PRKG1: variants seen among roughly 807,000 people sequenced by gnomAD.
PRKG1 encodes cGMP-dependent protein kinase 1.
Under a neutral mutation model 88.1 loss-of-function variants are expected in PRKG1, and 35 were observed. The ratio of observed to expected loss-of-function variants is 0.40; its 90% confidence interval spans 0.30 to 0.53. The LOEUF is 0.53. PRKG1 is among the 20% of genes least tolerant of loss of function. PRKG1 has a pLI of 0.59. For synonymous variants in PRKG1, 303 were observed against 292.5 expected, an observed-to-expected ratio of 1.04 and a Z score of -0.37; for missense variants, 540 against 839.8, an observed-to-expected ratio of 0.64 and a Z score of 4.41.
Position 51,467,731 on chromosome 10 carries a change from G to A in PRKG1, c.487G>A (p.Val163Ile). ...SLVYVMEDGK[V>I]EVTKEGVKLC... Reference sequence around the variant, plus strand: ...TCCCTCCTCCTTTTTAGATGGTAAGGTTGAAGTTACAAAAGAAGGTGTGAA... The same window carrying A: ...TCCCTCCTCCTTTTTAGATGGTAAGATTGAAGTTACAAAAGAAGGTGTGAA... The change falls in exon 3 of 18, where the codon GTT becomes ATT. Residue 163 changes from valine to isoleucine, a missense_variant. Around this residue, in one of 5 missense-constraint regions of PRKG1, gnomAD observed 400 missense variants for 562.7 expected, o/e 0.71. Transcript: ENST00000373980. The A allele has an allele frequency of 6.2e-7, 1 of 1,610,772 alleles. No homozygotes were observed. The highest frequency in any genetic ancestry group is 8.5e-7 in the Non-Finnish European group (1 of 1,177,304).
At chr10:51,543,621 C>A (rs978405280) in intron 3 of PRKG1, among the ~76,000 whole-genome samples, 17 of 152,176 alleles carry the variant, frequency 1.1e-4, no homozygotes, top group African/African-American at 4.1e-4. Flanking sequence ...GAATGTGCAG[C>A]CTGTTAATTC....
intron 8 of PRKG1, among the ~76,000 whole-genome samples, chr10:52,142,308 A>T (rs1409868054): frequency 6.6e-6 from 1 of 152,176 alleles, no homozygotes; most frequent in Non-Finnish European, 1.5e-5. Flanking sequence ...TCATACATTT[A>T]TTAATTCAAT....
At chr10:51,860,482 A>T (rs778922640) in intron 4 of PRKG1, among the ~76,000 whole-genome samples, 16 of 152,148 alleles carry the variant, frequency 1.1e-4, no homozygotes, top group Non-Finnish European at 1.9e-4. Flanking sequence ...CTTGGCCAAA[A>T]CAAGTCACAT....
intron 4 of PRKG1, among the ~76,000 whole-genome samples, chr10:51,827,532 A>G (rs1466297654): frequency 2.0e-5 from 3 of 152,096 alleles, no homozygotes; most frequent in Non-Finnish European, 4.4e-5. Context: ...GATTTACTAA[A>G]TTCCAAACTG....
At chr10:51,641,804 C>T (rs1004663552) in intron 3 of PRKG1, among the ~76,000 whole-genome samples, 5 of 151,972 alleles carry the variant, frequency 3.3e-5, no homozygotes, top group Non-Finnish European at 7.4e-5. Context: ...CTTTTTTTCT[C>T]CAGAGGTGTT....
intron 2 of PRKG1, among the ~76,000 whole-genome samples, chr10:51,278,147 A>G (rs554941382): frequency 6.6e-6 from 1 of 152,292 alleles, no homozygotes; most frequent in East Asian, 1.9e-4. Context: ...TAATTTATTG[A>G]GAGTTTTTAG....
intron 5 of PRKG1, among the ~76,000 whole-genome samples, chr10:51,946,860 G>A (rs919316771): frequency 2.0e-5 from 3 of 152,014 alleles, no homozygotes; most frequent in Non-Finnish European, 2.9e-5. Flanking sequence ...TGAGGTGTCA[G>A]TCTACCCCTA....
intron 2 of PRKG1, among the ~76,000 whole-genome samples, chr10:51,397,106 T>G (rs1837597966): frequency 6.6e-6 from 1 of 151,486 alleles, no homozygotes; most frequent in African/African-American, 2.4e-5. Flanking sequence ...TTAAATATCA[T>G]GTATCTTGAT....
chr10:51,116,927 C>T (rs1362568466), intron 1 of PRKG1, among the ~76,000 whole-genome samples: 2 of 152,066 alleles, frequency 1.3e-5, no homozygotes, highest in African/African-American at 4.8e-5. Flanking sequence ...AGATAAGTGG[C>T]TGTTGAAGGC....
intron 2 of PRKG1, among the ~76,000 whole-genome samples, chr10:51,330,351 A>G (rs1284729782): frequency 1.3e-5 from 2 of 151,876 alleles, no homozygotes; most frequent in African/African-American, 4.8e-5. Context: ...GGGTTTCACC[A>G]TGTTGGCCAG....
At chr10:51,754,037 C>CT (rs907464676) in intron 3 of PRKG1, among the ~76,000 whole-genome samples, 1 of 151,992 alleles carries the variant, frequency 6.6e-6, no homozygotes, top group Non-Finnish European at 1.5e-5. Context: ...ATGGGAAGTC[C>CT]TTTTTGACCT....
At chr10:51,700,299 G>T (rs1841433122) in intron 3 of PRKG1, among the ~76,000 whole-genome samples, 1 of 152,136 alleles carries the variant, frequency 6.6e-6, no homozygotes, top group Non-Finnish European at 1.5e-5. Flanking sequence ...GGCAGCCGTC[G>T]TGCTATTCCT....
intron 1 of PRKG1, among the ~76,000 whole-genome samples, chr10:51,107,562 T>C (rs1364721478): frequency 6.6e-6 from 1 of 151,960 alleles, no homozygotes. Flanking sequence ...GAACCTCATC[T>C]GGGCGCGTTC....
chr10:52,150,584 T>C (rs894838461), intron 8 of PRKG1, among the ~76,000 whole-genome samples: 3 of 152,198 alleles, frequency 2.0e-5, no homozygotes, highest in African/African-American at 7.2e-5. Flanking sequence ...AGCTTCTAAT[T>C]ATTTTTTGGG....
chr10:52,126,145 G>T (rs543023386), intron 7 of PRKG1, among the ~76,000 whole-genome samples: 1 of 152,178 alleles, frequency 6.6e-6, no homozygotes, highest in South Asian at 2.1e-4. Context: ...TAGGGTAACT[G>T]AGTGAAACTG....
chr10:51,424,064 A>G lies in PRKG1; in HGVS notation c.479-43659A>G, dbSNP rs527949534. Among the ~76,000 whole-genome samples the G allele has an allele frequency of 2.0e-5, 3 of 152,278 alleles. No homozygotes were observed. In the East Asian group the frequency reaches 5.8e-4, roughly 29 times the overall value. On this transcript the variant is annotated intron_variant, in intron 2 of 17. Transcript: ENST00000373980. The stretch of plus-strand genomic sequence containing the variant: ...ACTATTATGGTACCTAAATTGAAAT[A>G]TCAAATTGCAGATATTTGAGACTCT...
At chr10:51,270,409 G>A (rs1839948314) in intron 2 of PRKG1, among the ~76,000 whole-genome samples, 1 of 151,818 alleles carries the variant, frequency 6.6e-6, no homozygotes, top group Non-Finnish European at 1.5e-5. Flanking sequence ...TTAGATTTTT[G>A]GACATCTTAT....
intron 3 of PRKG1, among the ~76,000 whole-genome samples, chr10:51,606,782 T>C (rs1287914406): frequency 6.6e-6 from 1 of 152,162 alleles, no homozygotes; most frequent in Non-Finnish European, 1.5e-5. Flanking sequence ...TCTGCTTGTG[T>C]TCCTAGGGAA....
At chr10:51,552,930 C>T (rs542821606) in intron 3 of PRKG1, among the ~76,000 whole-genome samples, 1 of 151,606 alleles carries the variant, frequency 6.6e-6, no homozygotes, top group East Asian at 1.9e-4. Flanking sequence ...TCAAGTCTCA[C>T]TAGCTTAAAT....
Sources: allele counts gnomAD v4.1 joint callset (sites outside exome capture counted in the v4.1 genomes callset), GRCh38; gene constraint gnomAD v4.1.1; regional missense constraint gnomAD v4.1.1; transcripts MANE v1.5; gene names NCBI Gene and HGNC (gene_info 2026-07-23, HGNC 2026-07-21).